The following NSUN2 variants were observed in gnomAD, a reference collection of about 807,000 sequenced individuals.
NSUN2 encodes RNA cytosine C(5)-methyltransferase NSUN2.
Under a neutral mutation model 92.7 loss-of-function variants are expected in NSUN2, and 63 were observed. The ratio of observed to expected loss-of-function variants is 0.68; its 90% CI spans 0.56 to 0.84. NSUN2 has a LOEUF of 0.84. Among genes scored for constraint, NSUN2 ranks in the 40% least tolerant of loss-of-function variants. The pLI is 0.00. For synonymous variants in NSUN2, 356 were observed against 348.3 expected, an observed-to-expected ratio of 1.02 and a Z score of -0.25; for missense variants, 989 against 964.9, an observed-to-expected ratio of 1.02 and a Z score of -0.33.
intron 17 of NSUN2, among the ~76,000 whole-genome samples, chr5:6,603,419 C>T (rs1358206198): frequency 1.3e-5 from 2 of 152,192 alleles, no homozygotes; most frequent in South Asian, 2.1e-4. Context: ...TGGCTGGGCG[C>T]GGTGGCCCAC....
intron 12 of NSUN2, among the ~76,000 whole-genome samples, chr5:6,608,651 G>A (rs1187022129): frequency 1.3e-5 from 2 of 152,230 alleles, no homozygotes; most frequent in African/African-American, 4.8e-5. Context: ...TTCTATGTAA[G>A]TATTAACACG....
chr5:6,604,992 G>T, intron 15 of NSUN2: 1 of 581,970 alleles, frequency 1.7e-6, no homozygotes, highest in Non-Finnish European at 3.0e-6. Flanking sequence ...TACCTTCTCT[G>T]CCCAGGAGGG....
At chr5:6,632,510 A>C in intron 2 of NSUN2, 89 bp downstream of exon 2, 1 of 1,448,562 alleles carries the variant, frequency 6.9e-7, no homozygotes, top group South Asian at 1.3e-5. Context: ...GTTCTCTGGC[A>C]CTGTAACACT....
chr5:6,617,447 CTG>C (rs1737255929), intron 8 of NSUN2, among the ~76,000 whole-genome samples: 1 of 152,196 alleles, frequency 6.6e-6, no homozygotes, highest in Non-Finnish European at 1.5e-5. Flanking sequence ...TAAAAAATCC[CTG>C]TAAACAGAAA....
chr5:6,602,420 C>T, intron 18 of NSUN2, 41 bp downstream of exon 18: 1 of 1,595,694 alleles, frequency 6.3e-7, no homozygotes, highest in Non-Finnish European at 8.6e-7. Context: ...TAGCTAATGA[C>T]AAGGCGTGTG....
intron 17 of NSUN2, 197 bp downstream of exon 17, chr5:6,603,941 C>G: frequency 1.9e-6 from 1 of 538,720 alleles, no homozygotes; most frequent in Admixed American, 3.4e-5. Context: ...GGGAAGTACA[C>G]CAACCCCAAG....
intron 17 of NSUN2, among the ~76,000 whole-genome samples, 161 bp from the exon 18 acceptor site, chr5:6,602,661 G>A (rs961820304): frequency 4.6e-5 from 7 of 152,160 alleles, no homozygotes; most frequent in South Asian, 2.1e-4. Context: ...AAAAGAGGCC[G>A]TCTGGATACA....
intron 11 of NSUN2, 106 bp from the exon 12 acceptor site, chr5:6,610,028 G>A (rs1450210338): frequency 7.8e-6 from 6 of 767,706 alleles, no homozygotes; most frequent in African/African-American, 1.8e-5. Context: ...TCATGTCTTC[G>A]ACCCTCACTC....
At position 6,631,990 on chromosome 5, in the gene NSUN2, A is replaced by G; in HGVS notation, c.255-13T>C. On this transcript the variant is annotated splice_polypyrimidine_tract_variant and intron_variant, in intron 2 of 18. Transcript: ENST00000264670. ...CTCTTTTGCGTGGCTATTGAAAAAT[A>G]AGGAAGTTTCAAACTGATCTAAAAA... The G allele has an allele frequency of 6.3e-7, 1 of 1,588,824 alleles. No homozygotes were observed. The highest frequency in any genetic ancestry group is 8.6e-7 in the Non-Finnish European group (1 of 1,159,354).
intron 3 of NSUN2, among the ~76,000 whole-genome samples, chr5:6,628,954 A>G (rs1329415052): frequency 6.6e-6 from 1 of 152,230 alleles, no homozygotes; most frequent in Non-Finnish European, 1.5e-5. Context: ...CTGAGGTGGG[A>G]GGATCACTTG....
At chr5:6,608,844 T>C (rs3776439) in intron 12 of NSUN2, among the ~76,000 whole-genome samples, 88,107 of 152,156 alleles carry the variant, frequency 0.58, 26,409 homozygotes, top group Non-Finnish European at 0.67. Context: ...TATGAATGAA[T>C]GCAAAGTATC....
In NSUN2 at chr5:6,613,922, C is replaced by A. The variant is rs187215460; in HGVS notation, c.1022-2124G>T. On this transcript the variant is annotated intron_variant, in intron 9 of 18. Transcript: ENST00000264670. ...GACCAGCCTGGCCAACATGGTGAAA[C>A]CCCGTCTCTACTAAAAATACAAAAA... is the stretch of plus-strand genomic sequence containing the variant. Among the ~76,000 whole-genome samples, 1,407 of 151,990 alleles carry A rather than the reference C, an allele frequency of 9.3e-3. 17 individuals are homozygous for A. The highest frequency in any genetic ancestry group is 0.032 in the African/African-American group (1,324 of 41,464).
At chr5:6,632,546 A>C in intron 2 of NSUN2, 53 bp downstream of exon 2, 1 of 1,592,500 alleles carries the variant, frequency 6.3e-7, no homozygotes. Context: ...CGTCGCCTTT[A>C]ACCTCCAGCA....
At position 6,623,017 on chromosome 5, in the gene NSUN2, A is replaced by C. The variant is rs1032553573; in HGVS notation, c.537+197T>G. ...AACTAAAGGGGAGAAAATTTTCTAA[A>C]CCATAAAAATTAAGTAGGACAAAAA... On this transcript the variant is annotated intron_variant, in intron 5 of 18. Transcript: ENST00000264670. Among the ~76,000 whole-genome samples the C allele has an allele frequency of 5.3e-5, 8 of 150,694 alleles. No homozygotes were observed. The highest frequency in any genetic ancestry group is 2.0e-4 in the African/African-American group (8 of 40,916).
chr5:6,602,411 A>G lies in NSUN2; in HGVS notation c.1997+50T>C, dbSNP rs759063620. ...CTTTCCTCACCAACGAGAACACTGT[A>G]GCTAATGACAAGGCGTGTGTGTCTA... is the stretch of plus-strand genomic sequence containing the variant. On this transcript the variant is annotated intron_variant, in intron 18 of 18. Coordinates refer to ENST00000264670, the MANE Select transcript of NSUN2 (RefSeq NM_017755.6). 4 of 1,562,714 alleles carry G rather than the reference A, an allele frequency of 2.6e-6. No homozygotes were observed. The South Asian group carries it at 4.4e-5, about 17-fold the overall frequency.
At chr5:6,620,008 T>G (rs897357396) in intron 7 of NSUN2, 98 bp downstream of exon 7, 2 of 1,044,374 alleles carry the variant, frequency 1.9e-6, no homozygotes, top group Non-Finnish European at 2.8e-6. Flanking sequence ...CCAAGACTTA[T>G]GTACAATTGT....
chr5:6,613,624 G>A (rs184049245), intron 9 of NSUN2, among the ~76,000 whole-genome samples: 1 of 152,310 alleles, frequency 6.6e-6, no homozygotes, highest in East Asian at 1.9e-4. Context: ...AACACCTTCT[G>A]TGACCTGTGA....
intron 17 of NSUN2, 121 bp downstream of exon 17, chr5:6,604,017 G>A: frequency 1.1e-6 from 1 of 874,654 alleles, no homozygotes; most frequent in Non-Finnish European, 1.8e-6. Flanking sequence ...GGAAATTGAT[G>A]TAGCCATAAA....
chr5:6,617,674 A>G (rs1737266140), intron 8 of NSUN2, among the ~76,000 whole-genome samples: 1 of 152,252 alleles, frequency 6.6e-6, no homozygotes, highest in Admixed American at 6.5e-5. Context: ...CAAGAGGTAA[A>G]CGGTCATTTC....
Sources: allele counts gnomAD v4.1 joint callset (sites outside exome capture counted in the v4.1 genomes callset), GRCh38; gene constraint gnomAD v4.1.1; transcripts MANE v1.5; gene names NCBI Gene and HGNC (gene_info 2026-07-23, HGNC 2026-07-21).